The following TRAK1 variants were observed in gnomAD, a reference collection of about 807,000 sequenced individuals.
The protein encoded by TRAK1 is trafficking kinesin-binding protein 1.
Under a neutral mutation model 92.1 loss-of-function variants are expected in TRAK1, and 33 were observed. The observed-to-expected ratio is 0.36, with a 90% CI of 0.27 to 0.48. The LOEUF is 0.48. Among genes scored for constraint, TRAK1 ranks in the 20% least tolerant of loss-of-function variants. TRAK1 has a pLI of 0.99. For synonymous variants in TRAK1, 521 were observed against 517.3 expected (o/e 1.01, Z -0.10); for missense variants, 1,123 against 1,257.9 (o/e 0.89, Z 1.62).
chr3:42,119,231 G>A (rs1709546264), intron 1 of TRAK1, among the ~76,000 whole-genome samples: 2 of 152,236 alleles, frequency 1.3e-5, no homozygotes, highest in Non-Finnish European at 2.9e-5. Flanking sequence ...GAGAACTGTG[G>A]AAGCCAGAGA....
chr3:42,139,483 G>C (rs1210683302), intron 2 of TRAK1, among the ~76,000 whole-genome samples: 1 of 152,146 alleles, frequency 6.6e-6, no homozygotes, highest in East Asian at 1.9e-4. Flanking sequence ...CCGTCTTGGG[G>C]AAGTAATCAA....
At chr3:42,075,713 G>C (rs1360439732) in intron 1 of TRAK1, among the ~76,000 whole-genome samples, 2 of 151,726 alleles carry the variant, frequency 1.3e-5, no homozygotes, top group Non-Finnish European at 2.9e-5. Flanking sequence ...TTTTATTGTG[G>C]TTTTGCTTTG....
At chr3:42,190,403 A>G (rs1429109550) in intron 6 of TRAK1, among the ~76,000 whole-genome samples, 1 of 152,176 alleles carries the variant, frequency 6.6e-6, no homozygotes, top group Non-Finnish European at 1.5e-5. Context: ...TTGTTCTGTT[A>G]GACCTCACCT....
chr3:42,213,956 G>T (rs997047611), intron 14 of TRAK1, among the ~76,000 whole-genome samples: 1 of 152,186 alleles, frequency 6.6e-6, no homozygotes, highest in Non-Finnish European at 1.5e-5. Context: ...GGAAAGCCCT[G>T]TGCTCTGCCG....
intron 2 of TRAK1, among the ~76,000 whole-genome samples, chr3:42,143,689 A>G (rs1022326832): frequency 6.6e-6 from 1 of 152,106 alleles, no homozygotes; most frequent in Non-Finnish European, 1.5e-5. Context: ...TTCTAGTGGC[A>G]GTGATGGAGG....
intron 1 of TRAK1, among the ~76,000 whole-genome samples, chr3:42,096,419 G>GT (rs1255382998): frequency 6.6e-6 from 1 of 152,024 alleles, no homozygotes; most frequent in Non-Finnish European, 1.5e-5. Flanking sequence ...CACTCGGCTA[G>GT]TTTTTTGTGT....
At chr3:42,192,589 G>C (rs1255774727) in intron 7 of TRAK1, among the ~76,000 whole-genome samples, 1 of 150,466 alleles carries the variant, frequency 6.6e-6, no homozygotes, top group Non-Finnish European at 1.5e-5. Flanking sequence ...AGTCAAGTGA[G>C]TTATGACTCT....
At chr3:42,196,642 A>AT (rs529172323) in intron 10 of TRAK1, among the ~76,000 whole-genome samples, 96 of 148,800 alleles carry the variant, frequency 6.5e-4, no homozygotes, top group African/African-American at 2.1e-3. Context: ...AGTTCAAGCG[A>AT]TTCTCCTGCC....
chr3:42,160,558 G>GTTTTTTTTTTTTTTTT (rs11370773), intron 2 of TRAK1: 2 of 1,054,782 alleles, frequency 1.9e-6, no homozygotes, highest in African/African-American at 3.3e-5. Flanking sequence ...TCATAGCACT[G>GTTTTTTTTTTTTTTTT]TTTTGTTTTT....
intron 13 of TRAK1, among the ~76,000 whole-genome samples, chr3:42,207,649 A>G (rs1708482506): frequency 6.6e-6 from 1 of 152,194 alleles, no homozygotes; most frequent in Non-Finnish European, 1.5e-5. Flanking sequence ...GCCTGCCTCA[A>G]TATAGGGAAG....
At chr3:42,027,462 G>A (rs994718513) in intron 1 of TRAK1, among the ~76,000 whole-genome samples, 2 of 151,878 alleles carry the variant, frequency 1.3e-5, no homozygotes, top group South Asian at 2.1e-4. Context: ...GGTGGAGCTT[G>A]CAGTGAGCCC....
At chr3:42,079,924 A>C (rs1704353970) in intron 1 of TRAK1, among the ~76,000 whole-genome samples, 1 of 152,158 alleles carries the variant, frequency 6.6e-6, no homozygotes, top group Admixed American at 6.5e-5. Context: ...TCATTGCACC[A>C]GGGAGTGGAG....
At chr3:42,068,032 G>A (rs1429039710) in intron 1 of TRAK1, among the ~76,000 whole-genome samples, 2 of 151,930 alleles carry the variant, frequency 1.3e-5, no homozygotes, top group East Asian at 1.9e-4. Context: ...TTAGCCGGGC[G>A]TGATGGTGGG....
At chr3:42,013,431 T>G (rs1376857609), upstream of TRAK1, among the ~76,000 whole-genome samples, 1 of 152,102 alleles carries the variant, frequency 6.6e-6, no homozygotes, top group Non-Finnish European at 1.5e-5. The surrounding 1 kb of genome is among the most constrained non-coding windows in gnomAD (Gnocchi z 5.1). Context: ...TACCGGATAC[T>G]TCTCTGTGCC....
At chr3:42,174,520 C>T (rs568922586) in intron 2 of TRAK1, among the ~76,000 whole-genome samples, 1 of 151,772 alleles carries the variant, frequency 6.6e-6, no homozygotes, top group South Asian at 2.1e-4. Flanking sequence ...GGAGTCCTGC[C>T]CTGCTGCCCA....
At chr3:42,177,631 C>G (rs1191575638) in intron 3 of TRAK1, among the ~76,000 whole-genome samples, 1 of 152,150 alleles carries the variant, frequency 6.6e-6, no homozygotes, top group Non-Finnish European at 1.5e-5. Context: ...GGGCGTGTGA[C>G]TATGATGTGG....
intron 1 of TRAK1, among the ~76,000 whole-genome samples, chr3:42,025,293 C>T (rs533102043): frequency 5.9e-5 from 9 of 152,162 alleles, no homozygotes; most frequent in East Asian, 5.8e-4. Flanking sequence ...CGCTGGGGCA[C>T]GCTGGCCTTT....
In TRAK1 at chr3:42,188,161, G is replaced by A. The variant is rs1336615917; in HGVS notation, c.581+16G>A. 1 of 1,613,036 alleles carries A rather than the reference G, an allele frequency of 6.2e-7. No homozygotes were observed. Among genetic ancestry groups the A allele is most frequent in the Admixed American group, 1.7e-5 (1 of 60,018 alleles). ...GCTCAACCCCGTAAGTCACCAGAGG[G>A]CTGTATTTCTGGAGGCCAGAGCACA... On this transcript the variant is annotated intron_variant, in intron 5 of 15. Coordinates refer to ENST00000327628, the MANE Select transcript of TRAK1 (RefSeq NM_001042646.3).
At chr3:42,211,826 G>T in intron 14 of TRAK1, 3 of 985,406 alleles carry the variant, frequency 3.0e-6, no homozygotes, top group Non-Finnish European at 3.6e-6. Flanking sequence ...CAAACCTGTG[G>T]CAAATTCATC....
Sources: allele counts gnomAD v4.1 joint callset (sites outside exome capture counted in the v4.1 genomes callset), GRCh38; gene constraint gnomAD v4.1.1; non-coding constraint Gnocchi (gnomAD v3.1); transcripts MANE v1.5; gene names NCBI Gene and HGNC (gene_info 2026-07-23, HGNC 2026-07-21).